OPRM1: variants seen among roughly 807,000 people sequenced by gnomAD.
OPRM1 encodes the protein opioid receptor mu 1, also known as mu-type opioid receptor.
OPRM1 carries 27 observed loss-of-function variants against 31.8 expected under a neutral mutation model. The observed-to-expected ratio is 0.85, with a 90% CI of 0.63 to 1.17. The LOEUF is 1.17. OPRM1 is among the 50% of genes most tolerant of loss of function. The pLI is 0.00. For missense variants in OPRM1, 536 were observed against 511.1 expected, an observed-to-expected ratio of 1.05 and a Z score of -0.47; for synonymous variants, 196 against 189.9, an observed-to-expected ratio of 1.03 and a Z score of -0.26.
exon 4 of OPRM1, chr6:154,246,852 C>G: frequency 7.4e-7 from 1 of 1,342,808 alleles, no homozygotes; most frequent in Non-Finnish European, 9.7e-7. Context: ...TGAAAGGCAA[C>G]TTTTAATTGT....
At chr6:154,189,709 C>T (rs185978038) in intron 3 of OPRM1, among the ~76,000 whole-genome samples, 1 of 152,164 alleles carries the variant, frequency 6.6e-6, no homozygotes, top group East Asian at 1.9e-4. Context: ...TGGCTGATGC[C>T]TGTAATCCCA....
chr6:154,214,405 T>C (rs1183484039), intron 3 of OPRM1: 4 of 748,724 alleles, frequency 5.3e-6, no homozygotes, highest in Non-Finnish European at 9.7e-6. Context: ...AGAAAGAGCA[T>C]AAGTTTGTGC....
chr6:154,091,100 C>T lies in OPRM1; in HGVS notation c.792C>T (p.Val264=). The change falls in exon 3 of 4, where the codon GTC becomes GTT. Residue 264 remains valine (V), a synonymous_variant. Transcript: ENST00000330432. ...YGLMILRLKS[V]RMLSGSKEKD... is the part of the protein sequence containing the mutation. Reference sequence around the variant, plus strand: ...TGATGATCTTGCGCCTCAAGAGTGTCCGCATGCTCTCTGGCTCCAAAGAAA... The same window carrying T: ...TGATGATCTTGCGCCTCAAGAGTGTTCGCATGCTCTCTGGCTCCAAAGAAA... 6.8e-6 allele frequency: 11 copies of T among 1,614,170 alleles called. No individual in the cohort carries two copies. Among genetic ancestry groups the T allele is most frequent in the Non-Finnish European group, 9.3e-6 (11 of 1,180,028 alleles).
At chr6:154,222,983 C>T (rs967763553) in intron 3 of OPRM1, 16 of 605,926 alleles carry the variant, frequency 2.6e-5, no homozygotes, top group East Asian at 5.6e-5. Flanking sequence ...CTCCACAAAA[C>T]GAAATTCCAG....
At chr6:154,046,595 A>G (rs890500527) in intron 1 of OPRM1, 10 of 152,216 alleles carry the variant, frequency 6.6e-5, no homozygotes, top group Non-Finnish European at 1.0e-4. Flanking sequence ...AACGTCATAT[A>G]CAACAAGCAT....
At chr6:154,042,406 A>G (rs1780258931) in intron 1 of OPRM1, among the ~76,000 whole-genome samples, 1 of 152,198 alleles carries the variant, frequency 6.6e-6, no homozygotes, top group Admixed American at 6.5e-5. Flanking sequence ...AGAAATGTTC[A>G]CTTCCTTCCC....
intron 3 of OPRM1, chr6:154,155,520 G>A (rs1282004801): frequency 3.3e-5 from 5 of 152,290 alleles, no homozygotes; most frequent in African/African-American, 1.2e-4. Flanking sequence ...CTTTCGGCCA[G>A]GTGTGGTGGC....
chr6:154,204,404 G>A (rs1460729541), intron 3 of OPRM1, among the ~76,000 whole-genome samples: 5 of 152,214 alleles, frequency 3.3e-5, no homozygotes, highest in African/African-American at 9.6e-5. Flanking sequence ...TGACAAGAAA[G>A]GAAGAAAAGT....
chr6:154,197,146 T>C (rs116489552), intron 3 of OPRM1, among the ~76,000 whole-genome samples: 1,924 of 152,300 alleles, frequency 0.013, 32 homozygotes, highest in African/African-American at 0.042. Flanking sequence ...CTATCCCTGA[T>C]ATAAAAACAC....
At chr6:154,142,959 GGACCAGT>G (rs1186392998) in intron 3 of OPRM1, among the ~76,000 whole-genome samples, 1 of 152,094 alleles carries the variant, frequency 6.6e-6, no homozygotes, top group African/African-American at 2.4e-5. Context: ...CCCCAAGGGA[GGACCAGT>G]TCTTCCTTAC....
At chr6:154,226,349 T>C (rs1779251190) in intron 3 of OPRM1, among the ~76,000 whole-genome samples, 1 of 152,170 alleles carries the variant, frequency 6.6e-6, no homozygotes, top group African/African-American at 2.4e-5. Context: ...CCCGCAAGAG[T>C]AACAAATTCA....
rs1010803784 is a variant in OPRM1, at chr6:154,123,650, A to T, written c.*4929A>T. Among the ~76,000 whole-genome samples the T allele has an allele frequency of 6.6e-6, 1 of 152,190 alleles. No individual in the cohort carries two copies. Among genetic ancestry groups the T allele is most frequent in the African/African-American group, 2.4e-5 (1 of 41,454 alleles). On this transcript the variant is annotated 3_prime_UTR_variant, in exon 4 of 4. Coordinates refer to ENST00000330432, the MANE Select transcript of OPRM1 (RefSeq NM_000914.5). ...ATGCTAAACAAGGGGTGGATTATTC[A>T]TGGGTTTTCTGGGAAAGGAGTGGGC...
rs1797681930 is a variant in OPRM1, at chr6:154,127,857, T to C, written c.*9136T>C. Reference sequence around the variant, plus strand: ...TTCCTGTAATTCTCTTTGGCTGTAATACAATTTGTTCCCGTCTGCCCCCAG... The same window carrying C: ...TTCCTGTAATTCTCTTTGGCTGTAACACAATTTGTTCCCGTCTGCCCCCAG... On this transcript the variant is annotated 3_prime_UTR_variant, in exon 4 of 4. Coordinates refer to ENST00000330432, the MANE Select transcript of OPRM1 (RefSeq NM_000914.5). 6.6e-6 allele frequency among the ~76,000 whole-genome samples: 1 copy of C among 152,190 alleles called. No individual in the cohort carries two copies. Among genetic ancestry groups the C allele is most frequent in the African/African-American group, 2.4e-5 (1 of 41,454 alleles).
intron 1 of OPRM1, among the ~76,000 whole-genome samples, chr6:154,064,499 GCAATGTGTC>G (rs1035316665): frequency 1.3e-5 from 2 of 152,106 alleles, no homozygotes; most frequent in African/African-American, 4.8e-5. Flanking sequence ...TTTATGACAT[GCAATGTGTC>G]CATGTTTGCT....
rs1207998480 is a variant in OPRM1 at position 154,128,357 on chromosome 6, TATC to T, written c.*9639_*9641del. On this transcript the variant is annotated 3_prime_UTR_variant, in exon 4 of 4. Transcript: ENST00000330432. ...GAACTCCTTCCTTCTAACTAAATCT[TATC>T]ATAAGCAAATCTATGCACCAAATTA... Among the ~76,000 whole-genome samples the T allele has an allele frequency of 6.6e-6, 1 of 152,208 alleles. No homozygotes were observed. Among genetic ancestry groups the T allele is most frequent in the Non-Finnish European group, 1.5e-5 (1 of 68,034 alleles).
intron 3 of OPRM1, among the ~76,000 whole-genome samples, chr6:154,142,568 T>C (rs1798246747): frequency 6.6e-6 from 1 of 152,134 alleles, no homozygotes; most frequent in East Asian, 1.9e-4. Context: ...TAGACTCCAG[T>C]AGTCGACCAG....
intron 1 of OPRM1, among the ~76,000 whole-genome samples, chr6:154,043,124 T>C (rs1780412251): frequency 6.6e-6 from 1 of 152,184 alleles, no homozygotes; most frequent in Non-Finnish European, 1.5e-5. Context: ...CAGACACTGT[T>C]GAAAAGTGGA....
At chr6:154,202,604 G>A (rs1299330527) in intron 3 of OPRM1, among the ~76,000 whole-genome samples, 2 of 152,106 alleles carry the variant, frequency 1.3e-5, no homozygotes, top group Non-Finnish European at 2.9e-5. Flanking sequence ...CTTTAAATTA[G>A]ATTATAGCAA....
chr6:154,164,744 G>GT (rs1198860851), intron 3 of OPRM1, among the ~76,000 whole-genome samples: 1 of 152,196 alleles, frequency 6.6e-6, no homozygotes, highest in African/African-American at 2.4e-5. Flanking sequence ...ATAGGTCAGA[G>GT]TAACTCAGAG....
Sources: gnomAD v4.1 joint callset for allele counts (sites outside exome capture counted in the v4.1 genomes callset) on GRCh38, gnomAD v4.1.1 for gene constraint, MANE v1.5 for transcripts, NCBI Gene and HGNC (gene_info 2026-07-23, HGNC 2026-07-21) for gene names.